Variants in SRD5A2 observed in about 807,000 individuals in gnomAD.
The protein encoded by SRD5A2 is 3-oxo-5-alpha-steroid 4-dehydrogenase 2.
Under a neutral mutation model 27.4 loss-of-function variants are expected in SRD5A2, and 30 were observed. The ratio of observed to expected loss-of-function variants is 1.10; its 90% CI spans 0.82 to 1.49. The LOEUF (loss-of-function observed/expected upper bound fraction) is 1.49, where lower values mean the gene tolerates loss of function less well. Among genes scored for constraint, SRD5A2 ranks in the 40% most tolerant of loss-of-function variants. SRD5A2 has a pLI of 0.00. For missense variants in SRD5A2, 348 were observed against 323.4 expected (o/e 1.08, Z -0.58); for synonymous variants, 141 against 133.6 (o/e 1.06, Z -0.38).
intron 1 of SRD5A2, among the ~76,000 whole-genome samples, chr2:31,565,216 G>A (rs1010289513): frequency 6.6e-6 from 1 of 151,656 alleles, no homozygotes; most frequent in African/African-American, 2.4e-5. Flanking sequence ...TGAATAAACT[G>A]ACAATATAAA....
intron 1 of SRD5A2, among the ~76,000 whole-genome samples, chr2:31,562,192 C>G (rs547015469): frequency 2.6e-5 from 4 of 152,126 alleles, no homozygotes; most frequent in East Asian, 1.9e-4. Flanking sequence ...TGTTTAGCTT[C>G]TTAGTGCAGC....
At chr2:31,622,119 C>T in the SRD5A2 span, among the ~76,000 whole-genome samples, 2 of 152,096 alleles carry the variant, frequency 1.3e-5, no homozygotes, top group Non-Finnish European at 2.9e-5. Context: ...CTCTCCTTCC[C>T]TCCACTCCAA....
chr2:31,582,181 C>T (rs978684151), upstream of SRD5A2, among the ~76,000 whole-genome samples: 1 of 152,192 alleles, frequency 6.6e-6, no homozygotes, highest in Admixed American at 6.5e-5. Flanking sequence ...TTTCACTCTT[C>T]CCTTACTTTG....
the SRD5A2 span, among the ~76,000 whole-genome samples, chr2:31,641,716 T>C: frequency 1.3e-5 from 2 of 152,054 alleles, no homozygotes; most frequent in South Asian, 4.2e-4. Context: ...AGAAAAGCTA[T>C]ATATAATCAT....
In SRD5A2 at chr2:31,525,517, T is replaced by C. The variant is rs1665757865; in HGVS notation, c.*679A>G. On this transcript the variant is annotated 3_prime_UTR_variant, in exon 5 of 5. Coordinates refer to ENST00000622030, the MANE Select transcript of SRD5A2 (RefSeq NM_000348.4). ...CCTTCAAGAATAGCCATACCAGTTT[T>C]CCGGGGATTGTGAAATCTTCTGGAA... 2 of 225,394 alleles carry C rather than the reference T, an allele frequency of 8.9e-6. No homozygotes were observed. The highest frequency in any genetic ancestry group is 1.8e-4 in the South Asian group (1 of 5,436). The allele number at this position is 225,394 out of a possible 1,614,324, so 14.0% of individuals were successfully genotyped here.
At chr2:31,530,594 A>C (rs190554035) in intron 3 of SRD5A2, among the ~76,000 whole-genome samples, 70 of 152,318 alleles carry the variant, frequency 4.6e-4, no homozygotes, top group African/African-American at 1.5e-3. Flanking sequence ...CTTTGTCATT[A>C]ATTTCTTAAT....
chr2:31,532,023 G>A (rs566496888), intron 2 of SRD5A2, among the ~76,000 whole-genome samples: 9 of 152,208 alleles, frequency 5.9e-5, no homozygotes, highest in Admixed American at 2.6e-4. Context: ...CCCCTACTTC[G>A]TCTTTCTTCC....
chr2:31,531,643 G>C (rs1665910823), intron 2 of SRD5A2, among the ~76,000 whole-genome samples, 171 bp from the exon 3 acceptor site: 1 of 152,158 alleles, frequency 6.6e-6, no homozygotes, highest in Non-Finnish European at 1.5e-5. Context: ...TCCTGAATGG[G>C]GAGCACTGGG....
chr2:31,538,851 A>G (rs1405956235), intron 1 of SRD5A2, among the ~76,000 whole-genome samples: 1 of 152,174 alleles, frequency 6.6e-6, no homozygotes, highest in Non-Finnish European at 1.5e-5. Context: ...ACCTCTTCCC[A>G]CAAGAATGTA....
the SRD5A2 span, among the ~76,000 whole-genome samples, chr2:31,601,501 GT>G: frequency 1.3e-5 from 2 of 152,002 alleles, no homozygotes; most frequent in Non-Finnish European, 2.9e-5. Context: ...GGAAGACCTG[GT>G]ACCATTTCTA....
At chr2:31,568,051 G>A (rs1198422308) in intron 1 of SRD5A2, among the ~76,000 whole-genome samples, 1 of 152,200 alleles carries the variant, frequency 6.6e-6, no homozygotes, top group African/African-American at 2.4e-5. Flanking sequence ...CTCCATGTGA[G>A]GCTATGGTTG....
the SRD5A2 span, among the ~76,000 whole-genome samples, chr2:31,630,491 G>A: frequency 1.3e-5 from 2 of 152,156 alleles, no homozygotes; most frequent in Non-Finnish European, 2.9e-5. Context: ...CTTGTTGTCA[G>A]TGTAAACAAG....
In SRD5A2 at chr2:31,524,759, A is replaced by G. The variant is rs1665735459; in HGVS notation, c.*1437T>C. Reference sequence around the variant, plus strand: ...CATTTGTCAAAACAGTTTGCTAAATATTGACAATGCATTCCGCAAACATAG... The same window carrying G: ...CATTTGTCAAAACAGTTTGCTAAATGTTGACAATGCATTCCGCAAACATAG... On this transcript the variant is annotated 3_prime_UTR_variant, in exon 5 of 5. Coordinates refer to ENST00000622030, the MANE Select transcript of SRD5A2 (RefSeq NM_000348.4). 4.3e-6 allele frequency: 1 copy of G among 230,038 alleles called. No homozygotes were observed. The highest frequency in any genetic ancestry group is 8.6e-6 in the Non-Finnish European group (1 of 115,990). 14.2% of individuals were successfully genotyped at this position (230,038 alleles called of 1,614,324 possible).
At chr2:31,577,926 C>T (rs754744361) in intron 1 of SRD5A2, among the ~76,000 whole-genome samples, 1 of 152,028 alleles carries the variant, frequency 6.6e-6, no homozygotes, top group Non-Finnish European at 1.5e-5. Flanking sequence ...TGAACCTAGC[C>T]TCACCCCAAG....
At chr2:31,570,418 C>T (rs558371421) in intron 1 of SRD5A2, among the ~76,000 whole-genome samples, 1 of 152,164 alleles carries the variant, frequency 6.6e-6, no homozygotes, top group African/African-American at 2.4e-5. Context: ...CAGCTAACAT[C>T]ATACTGAATA....
intron 1 of SRD5A2, among the ~76,000 whole-genome samples, chr2:31,565,079 G>C (rs1666703366): frequency 6.6e-6 from 1 of 151,868 alleles, no homozygotes; most frequent in African/African-American, 2.4e-5. Context: ...CAAGAGAGAA[G>C]AAATGGAAGT....
the SRD5A2 span, among the ~76,000 whole-genome samples, chr2:31,608,253 A>C: frequency 6.6e-6 from 1 of 152,074 alleles, no homozygotes. Context: ...CTAAGTGGTA[A>C]GATTTCTATT....
intron 3 of SRD5A2, among the ~76,000 whole-genome samples, chr2:31,531,148 C>T (rs114087508): frequency 0.01 from 1,590 of 152,318 alleles, 19 homozygotes; most frequent in Middle Eastern, 0.051. Context: ...ATTGCGGTCT[C>T]GCACCTTCCT....
upstream of SRD5A2, among the ~76,000 whole-genome samples, chr2:31,581,950 T>A (rs1245391257): frequency 2.0e-5 from 3 of 152,242 alleles, no homozygotes; most frequent in Non-Finnish European, 4.4e-5. Context: ...GTTCTATGAT[T>A]CAGCTTCCAG....
Sources: allele counts gnomAD v4.1 joint callset (sites outside exome capture counted in the v4.1 genomes callset), GRCh38; gene constraint gnomAD v4.1.1; transcripts MANE v1.5; gene names NCBI Gene and HGNC (gene_info 2026-07-23, HGNC 2026-07-21).